The following GTF2E2 variants were observed in gnomAD, a reference collection of about 807,000 sequenced individuals.
GTF2E2 encodes transcription initiation factor IIE subunit beta.
GTF2E2 carries 21 observed loss-of-function variants against 40.5 expected under a neutral mutation model. The observed-to-expected ratio is 0.52, with a 90% CI of 0.37 to 0.75. GTF2E2 has a LOEUF of 0.75. Among genes scored for constraint, GTF2E2 ranks in the 30% least tolerant of loss-of-function variants. The probability of loss-of-function intolerance (pLI) is 0.00; values close to 1 mark genes in which losing one functional copy is unlikely to be tolerated. For missense variants in GTF2E2, 298 were observed against 338.4 expected (o/e 0.88, Z 0.94); for synonymous variants, 117 against 121.6 (o/e 0.96, Z 0.25).
chr8:30,652,911 A>G (rs1802331649), intron 2 of GTF2E2, among the ~76,000 whole-genome samples: 1 of 152,240 alleles, frequency 6.6e-6, no homozygotes, highest in African/African-American at 2.4e-5. Flanking sequence ...GATGCATACT[A>G]CATGGATGGA....
intron 6 of GTF2E2, among the ~76,000 whole-genome samples, chr8:30,598,182 A>T (rs2151117339): frequency 6.6e-6 from 1 of 152,342 alleles, no homozygotes; most frequent in South Asian, 2.1e-4. Flanking sequence ...GGAAAAACAT[A>T]CCTTTTACTC....
In GTF2E2 at chr8:30,653,689, C is replaced by T; in HGVS notation, c.-4-87G>A. On this transcript the variant is annotated intron_variant, in intron 1 of 7. Coordinates refer to ENST00000355904, the MANE Select transcript of GTF2E2 (RefSeq NM_002095.6). ...TCCACAGATCTCAACAAGTTACTTCCCAAACAAAATTACCTTTTATTATTA... is the reference window on the plus strand; with the variant it reads ...TCCACAGATCTCAACAAGTTACTTCTCAAACAAAATTACCTTTTATTATTA... 5.6e-6 allele frequency: 5 copies of T among 886,366 alleles called. No individual in the cohort carries two copies. The South Asian group carries it at 7.6e-5, about 13-fold the overall frequency. The allele number at this position is 886,366 out of a possible 1,614,324, so 54.9% of individuals were successfully genotyped here.
chr8:30,645,268 A>G, intron 2 of GTF2E2: 1 of 1,496,476 alleles, frequency 6.7e-7, no homozygotes, highest in African/African-American at 1.4e-5. Flanking sequence ...TTCATTTTCT[A>G]CCTTTTTTAT....
intron 2 of GTF2E2, among the ~76,000 whole-genome samples, chr8:30,640,719 C>CG (rs1316494807): frequency 6.6e-6 from 1 of 151,976 alleles, no homozygotes; most frequent in Non-Finnish European, 1.5e-5. Flanking sequence ...TATTTTTTGG[C>CG]GGGGGGACGG....
At chr8:30,657,095 A>C (rs1802472737) in intron 1 of GTF2E2, 2 of 152,192 alleles carry the variant, frequency 1.3e-5, no homozygotes, top group African/African-American at 4.8e-5. Context: ...GAACGTTCAA[A>C]GGCATCTAGA....
chr8:30,584,748 G>A (rs1247553751), intron 6 of GTF2E2: 1 of 152,160 alleles, frequency 6.6e-6, no homozygotes, highest in African/African-American at 2.4e-5. Context: ...GCCCTTTCCC[G>A]TAAATGCAAA....
rs183734939 is a variant in GTF2E2 at position 30,619,190 on chromosome 8, T to C, written c.259-4475A>G. ...CTCCTGACTTCATGATCCACCTGCC[T>C]CAGCCTCCCGAAGTGTTGGGATTAC... is the stretch of plus-strand genomic sequence containing the variant. On this transcript the variant is annotated intron_variant, in intron 3 of 7. Transcript: ENST00000355904. Among the ~76,000 whole-genome samples the C allele has an allele frequency of 1.4e-3, 214 of 152,200 alleles. 1 individual carries two copies. Among genetic ancestry groups the C allele is most frequent in the Middle Eastern group, 6.8e-3 (2 of 294 alleles).
At chr8:30,646,579 A>G (rs1387958863) in intron 2 of GTF2E2, among the ~76,000 whole-genome samples, 2 of 152,226 alleles carry the variant, frequency 1.3e-5, no homozygotes, top group Non-Finnish European at 2.9e-5. Flanking sequence ...TCAAATGTAC[A>G]AGCTCAAGGT....
intron 6 of GTF2E2, among the ~76,000 whole-genome samples, chr8:30,589,918 A>G (rs1828794706): frequency 6.6e-6 from 1 of 152,268 alleles, no homozygotes; most frequent in African/African-American, 2.4e-5. Flanking sequence ...GAAACACCAT[A>G]TTCTTTTGAA....
At chr8:30,641,008 T>A (rs529691793) in intron 2 of GTF2E2, among the ~76,000 whole-genome samples, 3 of 152,206 alleles carry the variant, frequency 2.0e-5, no homozygotes, top group South Asian at 4.1e-4. Flanking sequence ...TCTTTCTGCA[T>A]GCTTAATTAT....
chr8:30,651,005 C>T (rs1310132253), intron 2 of GTF2E2, among the ~76,000 whole-genome samples: 1 of 109,964 alleles, frequency 9.1e-6, no homozygotes, highest in African/African-American at 3.2e-5. Flanking sequence ...CAGAGCAAGA[C>T]TCCGTCTCAA....
chr8:30,603,106 T>A (rs572990271), intron 6 of GTF2E2, among the ~76,000 whole-genome samples: 1 of 152,332 alleles, frequency 6.6e-6, no homozygotes, highest in East Asian at 1.9e-4. Context: ...AGACAGGGAC[T>A]GGTCTATCTT....
At chr8:30,657,782 G>A (rs1359257942) in intron 1 of GTF2E2, among the ~76,000 whole-genome samples, 191 bp downstream of exon 1, 2 of 152,162 alleles carry the variant, frequency 1.3e-5, no homozygotes, top group African/African-American at 4.8e-5. Context: ...TTTGCTCAAT[G>A]AACCTCTGGC....
At chr8:30,623,183 T>A (rs753892044) in intron 3 of GTF2E2, among the ~76,000 whole-genome samples, 2 of 152,104 alleles carry the variant, frequency 1.3e-5, no homozygotes, top group Non-Finnish European at 2.9e-5. Context: ...ATCTTCACAA[T>A]CCACGTTCTT....
chr8:30,631,534 T>C (rs1585985893), intron 3 of GTF2E2, among the ~76,000 whole-genome samples: 2 of 152,322 alleles, frequency 1.3e-5, no homozygotes, highest in Non-Finnish European at 2.9e-5. Context: ...CTCAATATGG[T>C]AGTTAAAATC....
chr8:30,590,777 C>T (rs1274019617), intron 6 of GTF2E2, among the ~76,000 whole-genome samples: 1 of 151,842 alleles, frequency 6.6e-6, no homozygotes, highest in Non-Finnish European at 1.5e-5. Flanking sequence ...TACAACCTCA[C>T]CCTCCCAGGT....
At chr8:30,580,493 A>G in intron 6 of GTF2E2, 97 bp from the exon 7 acceptor site, 1 of 714,850 alleles carries the variant, frequency 1.4e-6, no homozygotes, top group Non-Finnish European at 2.5e-6. Flanking sequence ...CTCTGGATCC[A>G]AATGAGCACA....
At chr8:30,600,367 A>G (rs1301230782) in intron 6 of GTF2E2, among the ~76,000 whole-genome samples, 1 of 152,226 alleles carries the variant, frequency 6.6e-6, no homozygotes, top group Non-Finnish European at 1.5e-5. Flanking sequence ...TCCGATACTA[A>G]TAATAGTTAA....
intron 5 of GTF2E2, among the ~76,000 whole-genome samples, chr8:30,610,524 G>A (rs551242364): frequency 6.6e-6 from 1 of 151,420 alleles, no homozygotes; most frequent in East Asian, 1.9e-4. Flanking sequence ...CAGAATAGAG[G>A]GCCCAGAAAT....
Sources: allele counts gnomAD v4.1 joint callset (sites outside exome capture counted in the v4.1 genomes callset), GRCh38; gene constraint gnomAD v4.1.1; transcripts MANE v1.5; gene names NCBI Gene and HGNC (gene_info 2026-07-23, HGNC 2026-07-21).